MAML3: variants seen among roughly 807,000 people sequenced by gnomAD.
MAML3 encodes mastermind like transcriptional coactivator 3.
A neutral mutation model predicts 101.9 loss-of-function variants in MAML3; 27 were observed. The observed-to-expected ratio is 0.27, with a 90% CI of 0.20 to 0.37. The LOEUF (loss-of-function observed/expected upper bound fraction) is 0.37. Ranked by LOEUF, MAML3 falls within the 10% of genes least tolerant of loss-of-function variation. The pLI is 1.00. For synonymous variants in MAML3, 501 were observed against 555.9 expected, an observed-to-expected ratio of 0.90 and a Z score of 1.39; for missense variants, 1,316 against 1,444.9, an observed-to-expected ratio of 0.91 and a Z score of 1.45.
chr4:139,720,055 G>A lies in MAML3; in HGVS notation c.2685C>T (p.Asn895=), dbSNP rs1295792240. ...CAGGTTGCCTCGGTCCCTGGGCTTG[G>A]TTATGTGTGATGCTCATGCCACTTT... ...PNQSGMSITH[N]QAQGPRQPAS... The change falls in exon 5 of 5, where the codon AAC becomes AAT. Residue 895 remains asparagine (N), a synonymous_variant. Coordinates refer to ENST00000509479, the MANE Select transcript of MAML3 (RefSeq NM_018717.5). The A allele has an allele frequency of 3.1e-6, 5 of 1,613,976 alleles. No individual in the cohort carries two copies. The highest frequency in any genetic ancestry group is 1.7e-5 in the Admixed American group (1 of 60,016).
At chr4:139,879,461 G>T (rs1372620364) in intron 2 of MAML3, among the ~76,000 whole-genome samples, 4 of 150,738 alleles carry the variant, frequency 2.7e-5, no homozygotes, top group African/African-American at 7.3e-5. Flanking sequence ...AGGAGGCAGA[G>T]GTTGCAGTGA....
intron 1 of MAML3, among the ~76,000 whole-genome samples, chr4:140,145,890 T>TTTTTTTTTTA (rs61039736): frequency 4.1e-5 from 6 of 146,282 alleles, no homozygotes; most frequent in Admixed American, 1.4e-4. Flanking sequence ...TTTTTTTTTT[T>TTTTTTTTTTA]GAGAAGGATT....
intron 2 of MAML3, among the ~76,000 whole-genome samples, chr4:139,825,972 A>G (rs35592795): frequency 0.021 from 3,147 of 152,146 alleles, 56 homozygotes; most frequent in East Asian, 0.048. Flanking sequence ...CGGGGTCGGG[A>G]TATCACTTTG....
chr4:139,782,860 T>C (rs1465273145), intron 2 of MAML3, among the ~76,000 whole-genome samples: 1 of 152,194 alleles, frequency 6.6e-6, no homozygotes, highest in Non-Finnish European at 1.5e-5. Flanking sequence ...ACCTTTCACC[T>C]AAAAATATTT....
At chr4:139,968,076 C>T (rs983313814) in intron 1 of MAML3, among the ~76,000 whole-genome samples, 2 of 151,534 alleles carry the variant, frequency 1.3e-5, no homozygotes, top group African/African-American at 2.4e-5. Flanking sequence ...GTCAGGAGTT[C>T]GAGACCAGCC....
chr4:139,781,921 T>C (rs1247113310), intron 2 of MAML3, among the ~76,000 whole-genome samples: 1 of 152,012 alleles, frequency 6.6e-6, no homozygotes, highest in Non-Finnish European at 1.5e-5. Context: ...GATAGAATAA[T>C]AATATGAGTG....
chr4:139,791,699 T>C (rs529929292), intron 2 of MAML3, among the ~76,000 whole-genome samples: 1 of 152,312 alleles, frequency 6.6e-6, no homozygotes, highest in South Asian at 2.1e-4. Flanking sequence ...ATGTCCCTCC[T>C]GAAAGTTAAC....
intron 1 of MAML3, among the ~76,000 whole-genome samples, chr4:139,928,813 G>A (rs749073758): frequency 4.6e-5 from 7 of 152,134 alleles, no homozygotes; most frequent in Non-Finnish European, 7.4e-5. Context: ...GAGTAGAGAA[G>A]TGACCTGTCA....
At chr4:139,875,273 A>G (rs1732090764) in intron 2 of MAML3, among the ~76,000 whole-genome samples, 1 of 152,192 alleles carries the variant, frequency 6.6e-6, no homozygotes, top group Non-Finnish European at 1.5e-5. Flanking sequence ...GCAGCTCCTT[A>G]TATGATCCTA....
chr4:140,089,459 G>A (rs191266584), intron 1 of MAML3, among the ~76,000 whole-genome samples: 134 of 152,276 alleles, frequency 8.8e-4, no homozygotes, highest in Non-Finnish European at 1.3e-3. Context: ...CCTTGGGCAA[G>A]TCACTTCACC....
rs190335923 is a variant in MAML3 at position 140,015,296 on chromosome 4, C to T, written c.469-124329G>A. Among the ~76,000 whole-genome samples, 100 of 152,206 alleles carry T rather than the reference C, an allele frequency of 6.6e-4. 1 individual carries two copies. The East Asian group carries it at 0.012, about 18-fold the overall frequency. On this transcript the variant is annotated intron_variant, in intron 1 of 4. Transcript: ENST00000509479. ...GAGAATGAAATTTAAAATCATGAAA[C>T]ATCAATAAAAAGGATGTCTATCACT... is the stretch of plus-strand genomic sequence containing the variant.
chr4:139,928,932 G>C (rs1270848942), intron 1 of MAML3, among the ~76,000 whole-genome samples: 1 of 152,128 alleles, frequency 6.6e-6, no homozygotes, highest in African/African-American at 2.4e-5. Flanking sequence ...TATCAGACAG[G>C]GTCTGAATTA....
At chr4:139,907,632 T>A (rs915119862) in intron 1 of MAML3, among the ~76,000 whole-genome samples, 50 of 152,226 alleles carry the variant, frequency 3.3e-4, no homozygotes, top group African/African-American at 1.1e-3. Flanking sequence ...GGGTGTCAGG[T>A]GTTGAGCTGA....
intron 2 of MAML3, among the ~76,000 whole-genome samples, chr4:139,768,004 A>G (rs1578591139): frequency 6.6e-6 from 1 of 152,234 alleles, no homozygotes; most frequent in South Asian, 2.1e-4. Flanking sequence ...GTAATTTTTC[A>G]CCAGATGATG....
chr4:139,937,208 T>C (rs938262664), intron 1 of MAML3, among the ~76,000 whole-genome samples: 4 of 152,304 alleles, frequency 2.6e-5, no homozygotes, highest in Admixed American at 6.5e-5. Flanking sequence ...TTATTGAATG[T>C]TGCCCCTCAT....
chr4:139,985,491 G>C (rs1734520070), intron 1 of MAML3, among the ~76,000 whole-genome samples: 1 of 152,244 alleles, frequency 6.6e-6, no homozygotes, highest in Non-Finnish European at 1.5e-5. Context: ...CAAAAGGTCA[G>C]TGCCTTTAGG....
At chr4:139,876,941 T>C (rs1358753554) in intron 2 of MAML3, among the ~76,000 whole-genome samples, 1 of 152,216 alleles carries the variant, frequency 6.6e-6, no homozygotes, top group Non-Finnish European at 1.5e-5. Context: ...ACATCCTTTG[T>C]ATGAATTGGC....
At chr4:139,789,212 T>A (rs1248129731) in intron 2 of MAML3, among the ~76,000 whole-genome samples, 1 of 152,138 alleles carries the variant, frequency 6.6e-6, no homozygotes, top group Non-Finnish European at 1.5e-5. Flanking sequence ...GTTTTTCCCT[T>A]AAAGGAGATT....
At chr4:140,104,376 A>ATTATATATATTAT (rs1553976036) in intron 1 of MAML3, among the ~76,000 whole-genome samples, 1 of 69,374 alleles carries the variant, frequency 1.4e-5, no homozygotes, top group African/African-American at 4.3e-5. Flanking sequence ...ATATATATAT[A>ATTATATATATTAT]ATATATATAT....
Sources: gnomAD v4.1 joint callset for allele counts (sites outside exome capture counted in the v4.1 genomes callset) on GRCh38, gnomAD v4.1.1 for gene constraint, MANE v1.5 for transcripts, NCBI Gene and HGNC (gene_info 2026-07-23, HGNC 2026-07-21) for gene names.